Variants in PSD3 observed in about 807,000 individuals in gnomAD.
The protein encoded by PSD3 is pleckstrin and Sec7 domain containing 3.
PSD3 carries 49 observed loss-of-function variants against 105.5 expected under a neutral mutation model. That is an observed-to-expected ratio of 0.46 (90% CI 0.37 to 0.59). The LOEUF (loss-of-function observed/expected upper bound fraction) is 0.59, where lower values mean the gene tolerates loss of function less well. Ranked by LOEUF, PSD3 falls within the 20% of genes least tolerant of loss-of-function variation. The probability of loss-of-function intolerance (pLI) is 0.00; values close to 1 mark genes in which losing one functional copy is unlikely to be tolerated. For synonymous variants in PSD3, 557 were observed against 457.8 expected, an observed-to-expected ratio of 1.22 and a Z score of -2.77; for missense variants, 1,561 against 1,263.8, an observed-to-expected ratio of 1.24 and a Z score of -3.57.
chr8:18,712,825 T>A (rs559128201), intron 9 of PSD3, among the ~76,000 whole-genome samples: 2 of 152,020 alleles, frequency 1.3e-5, no homozygotes, highest in East Asian at 3.9e-4. Context: ...GGCAGAGATA[T>A]AACAAAAAAA....
chr8:18,773,198 T>A (rs1421050030), intron 8 of PSD3, among the ~76,000 whole-genome samples: 1 of 152,200 alleles, frequency 6.6e-6, no homozygotes, highest in Non-Finnish European at 1.5e-5. Flanking sequence ...ATACACTGTG[T>A]GATATAAGGG....
rs147396575 is a variant in PSD3, at chr8:18,564,814, T to C, written c.2784+7714A>G. On this transcript the variant is annotated intron_variant, in intron 14 of 15. Coordinates refer to ENST00000327040, the MANE Select transcript of PSD3 (RefSeq NM_015310.4). The stretch of plus-strand genomic sequence containing the variant: ...TCTGAGCACCACTGCCTTGTGGTCA[T>C]ACCACAGGACAAAAGGAGGGGTGGG... 5.7e-3 allele frequency among the ~76,000 whole-genome samples: 862 copies of C among 152,104 alleles called. 9 individuals are homozygous for C. Among genetic ancestry groups the C allele is most frequent in the African/African-American group, 0.02 (838 of 41,504 alleles).
At chr8:18,793,505 T>C (rs372378299) in intron 8 of PSD3, among the ~76,000 whole-genome samples, 1 of 151,632 alleles carries the variant, frequency 6.6e-6, no homozygotes, top group Non-Finnish European at 1.5e-5. Context: ...AATCAAAAGA[T>C]CTTTGCAAAT....
intron 8 of PSD3, among the ~76,000 whole-genome samples, chr8:18,784,172 A>T (rs1345182768): frequency 6.6e-6 from 1 of 151,916 alleles, no homozygotes; most frequent in East Asian, 1.9e-4. Flanking sequence ...TATCTGTTAG[A>T]TCTAGTTGGT....
intron 1 of PSD3, among the ~76,000 whole-genome samples, chr8:18,980,054 G>T (rs1324130786): frequency 6.6e-6 from 1 of 152,202 alleles, no homozygotes; most frequent in African/African-American, 2.4e-5. Flanking sequence ...ACTCAAAGGT[G>T]TAACAGGTTC....
chr8:18,852,900 C>T (rs573809569), intron 4 of PSD3, among the ~76,000 whole-genome samples: 21 of 152,280 alleles, frequency 1.4e-4, no homozygotes, highest in Non-Finnish European at 2.5e-4. Flanking sequence ...ATGCACTACA[C>T]ACTAGTTAAT....
chr8:18,782,219 G>A (rs1808703723), intron 8 of PSD3, among the ~76,000 whole-genome samples: 1 of 151,780 alleles, frequency 6.6e-6, no homozygotes, highest in Admixed American at 6.6e-5. Context: ...TCCTTTGATG[G>A]TTTCATGCTT....
intron 9 of PSD3, among the ~76,000 whole-genome samples, chr8:18,691,426 A>G (rs1251463051): frequency 1.3e-5 from 2 of 152,322 alleles, no homozygotes; most frequent in East Asian, 3.9e-4. Context: ...TCCAACCATC[A>G]TATGGAAAAC....
At chr8:19,061,671 G>A (rs910171791) in intron 1 of PSD3, among the ~76,000 whole-genome samples, 6 of 152,142 alleles carry the variant, frequency 3.9e-5, no homozygotes, top group Non-Finnish European at 8.8e-5. Flanking sequence ...CAGGTGTGGT[G>A]GGGTGTGCCT....
intron 2 of PSD3, among the ~76,000 whole-genome samples, chr8:18,899,409 G>C (rs1348381239): frequency 6.6e-6 from 1 of 152,104 alleles, no homozygotes; most frequent in Non-Finnish European, 1.5e-5. Flanking sequence ...CAGATTTCAA[G>C]GCTTTCACAG....
At chr8:18,637,133 C>T (rs188030757) in intron 10 of PSD3, among the ~76,000 whole-genome samples, 55 of 152,268 alleles carry the variant, frequency 3.6e-4, no homozygotes, top group African/African-American at 1.3e-3. Flanking sequence ...AAATTGCTAG[C>T]CTACACCCAT....
intron 1 of PSD3, among the ~76,000 whole-genome samples, chr8:19,074,605 ATATATATTTTTTTTTTTTTTT>A (rs1829392973): frequency 1.1e-4 from 2 of 18,428 alleles, no homozygotes; most frequent in East Asian, 3.2e-3. Context: ...ATATATATAT[ATATATATTTTTTTTTTTTTTT>A]TTTTTTTTTT....
chr8:18,967,519 G>A (rs1006956563), intron 1 of PSD3, among the ~76,000 whole-genome samples: 1 of 152,094 alleles, frequency 6.6e-6, no homozygotes, highest in African/African-American at 2.4e-5. Context: ...CAACATCAAA[G>A]CTACCTATTG....
chr8:19,070,671 C>G (rs1269750827), intron 1 of PSD3, among the ~76,000 whole-genome samples: 1 of 152,072 alleles, frequency 6.6e-6, no homozygotes, highest in Non-Finnish European at 1.5e-5. Flanking sequence ...AAGTGAGACT[C>G]TGTCTCAAAA....
chr8:18,677,224 G>A (rs1387728609), intron 9 of PSD3, among the ~76,000 whole-genome samples: 1 of 152,194 alleles, frequency 6.6e-6, no homozygotes, highest in East Asian at 1.9e-4. Flanking sequence ...GCAGCAGGGG[G>A]TAGCTCTAAC....
intron 2 of PSD3, among the ~76,000 whole-genome samples, chr8:18,928,085 G>C (rs1438706629): frequency 6.6e-6 from 1 of 152,076 alleles, no homozygotes; most frequent in Non-Finnish European, 1.5e-5. Flanking sequence ...AGCCAAAAAG[G>C]AAAAGCAACC....
In PSD3 at chr8:18,639,262, CT is replaced by C. The variant is rs150299126; in HGVS notation, c.2217-6457del. ...AAGTTTTCTACTGTTTTAAATGTGG[CT>C]TTTTTTTTTAATTGAGAGTTTGCCT... is the stretch of plus-strand genomic sequence containing the variant. On this transcript the variant is annotated intron_variant, in intron 10 of 15. Transcript: ENST00000327040. Among the ~76,000 whole-genome samples the C allele has an allele frequency of 1.9e-4, 28 of 148,118 alleles. No homozygotes were observed. In the Middle Eastern group the frequency reaches 0.01, roughly 54 times the overall value.
At chr8:18,887,760 C>T (rs1818532786) in intron 2 of PSD3, among the ~76,000 whole-genome samples, 1 of 152,126 alleles carries the variant, frequency 6.6e-6, no homozygotes. Context: ...TATACATTTA[C>T]TGAGTGCCAA....
chr8:18,671,920 T>A (rs527750540), intron 9 of PSD3, among the ~76,000 whole-genome samples: 2 of 152,172 alleles, frequency 1.3e-5, no homozygotes, highest in African/African-American at 4.8e-5. Context: ...CGTGAGCCAC[T>A]GCGCCGGGCC....
Sources: allele counts gnomAD v4.1 joint callset (sites outside exome capture counted in the v4.1 genomes callset), GRCh38; gene constraint gnomAD v4.1.1; transcripts MANE v1.5; gene names NCBI Gene and HGNC (gene_info 2026-07-23, HGNC 2026-07-21).